Variants in ZNF229 observed in about 807,000 individuals in gnomAD.
ZNF229 encodes zinc finger protein 229.
In ZNF229, 10 loss-of-function variants were observed where a neutral mutation model predicts 11.8. The observed-to-expected ratio is 0.85, with a 90% confidence interval of 0.52 to 1.44. The LOEUF (loss-of-function observed/expected upper bound fraction) is 1.44. ZNF229 is among the 40% of genes most tolerant of loss of function. The pLI is 0.00. For synonymous variants in ZNF229, 368 were observed against 374.8 expected, an observed-to-expected ratio of 0.98 and a Z score of 0.21; for missense variants, 1,045 against 1,015.1, an observed-to-expected ratio of 1.03 and a Z score of -0.40.
intron 4 of ZNF229, 97 bp downstream of exon 4, chr19:44,442,466 T>C: frequency 6.5e-6 from 8 of 1,236,350 alleles, no homozygotes; most frequent in Non-Finnish European, 9.4e-6. Flanking sequence ...ATTCACCCAA[T>C]ACATTTTTCG....
intron 4 of ZNF229, among the ~76,000 whole-genome samples, chr19:44,441,743 C>T (rs1381553337): frequency 1.3e-5 from 2 of 152,012 alleles, no homozygotes; most frequent in African/African-American, 4.8e-5. Context: ...ATGAATGATG[C>T]TGCAATTATC....
chr19:44,432,146 T>TC, intron 5 of ZNF229, 76 bp downstream of exon 5: 1 of 1,531,950 alleles, frequency 6.5e-7, no homozygotes, highest in Non-Finnish European at 8.7e-7. Context: ...AAAAATAGGA[T>TC]TTAACCTGTG....
At chr19:44,432,001 G>T in intron 5 of ZNF229, 1 of 880,542 alleles carries the variant, frequency 1.1e-6, no homozygotes, top group Non-Finnish European at 1.5e-6. Context: ...TCTGCACCCT[G>T]ACAGAGGGTC....
At chr19:44,432,161 A>G (rs774598894) in intron 5 of ZNF229, 61 bp downstream of exon 5, 28 of 1,548,612 alleles carry the variant, frequency 1.8e-5, no homozygotes, top group Admixed American at 2.2e-5. Flanking sequence ...CCTGTGTAAA[A>G]AAGCCAAAAA....
chr19:44,442,781 C>T (rs758919185), intron 3 of ZNF229, 33 bp downstream of exon 3: 24 of 1,591,984 alleles, frequency 1.5e-5, no homozygotes, highest in Admixed American at 8.3e-5. Context: ...AGTTTGGATT[C>T]TCCCCCCACC....
chr19:44,448,410 T>C lies in ZNF229; in HGVS notation c.-367A>G, dbSNP rs1972040653. On this transcript the variant is annotated 5_prime_UTR_variant, in exon 1 of 6. Coordinates refer to ENST00000614049, the MANE Select transcript of ZNF229 (RefSeq NM_014518.4). ...GATCCTAATTCCCATGGCCTGACAG[T>C]ACAACCGCATGGAGATGCACGTCTC... 6.6e-6 allele frequency: 1 copy of C among 152,260 alleles called. No individual in the cohort carries two copies. Among genetic ancestry groups the C allele is most frequent in the Non-Finnish European group, 1.5e-5 (1 of 68,068 alleles). 9.4% of individuals were successfully genotyped at this position (152,260 alleles called of 1,614,324 possible). A position where few individuals can be genotyped will look rare whatever the true frequency, so the allele number is the denominator to read the frequency against.
chr19:44,428,952 A>C lies in ZNF229; in HGVS notation c.1829T>G (p.Ile610Ser), dbSNP rs1971643923. 2 of 1,599,784 alleles carry C rather than the reference A, an allele frequency of 1.3e-6. No homozygotes were observed. The highest frequency in any genetic ancestry group is 1.7e-6 in the Non-Finnish European group (2 of 1,174,876). The change falls in exon 6 of 6, where the codon ATC becomes AGC. Residue 610 changes from isoleucine to serine, a missense_variant. By Grantham distance (142) the Ile-to-Ser change is moderately radical. Coordinates refer to ENST00000614049, the MANE Select transcript of ZNF229 (RefSeq NM_014518.4). ...ATGGATAAGGAGGTCGGAGCTGTAG[A>C]TGAAACCCTTCCCACACACGTCACA... is the stretch of plus-strand genomic sequence containing the variant. ...YVCDVCGKGF[I>S]YSSDLLIHQR...
chr19:44,429,778 G>A lies in ZNF229; in HGVS notation c.1003C>T (p.His335Tyr), dbSNP rs1257905396. The change falls in exon 6 of 6, where the codon CAC (histidine) becomes TAC (tyrosine). Residue 335 changes from histidine to tyrosine, a missense_variant. Coordinates refer to ENST00000614049, the MANE Select transcript of ZNF229 (RefSeq NM_014518.4). Reference protein sequence around the residue: ...ERGRGVRQNTHIRNHPRAPVG... With the variant: ...ERGRGVRQNTYIRNHPRAPVG... Reference sequence around the variant, plus strand: ...GGGGCTCTGGGGTGGTTACGTATGTGCGTGTTCTGTCTGACGCCCCGACCA... The same window carrying A: ...GGGGCTCTGGGGTGGTTACGTATGTACGTGTTCTGTCTGACGCCCCGACCA... 2 of 1,613,906 alleles carry A rather than the reference G, an allele frequency of 1.2e-6. No homozygotes were observed. The highest frequency in any genetic ancestry group is 1.7e-5 in the Admixed American group (1 of 59,998).
intron 4 of ZNF229, among the ~76,000 whole-genome samples, chr19:44,441,388 A>C (rs12610672): frequency 0.29 from 44,205 of 152,110 alleles, 7,574 homozygotes; most frequent in South Asian, 0.48. Flanking sequence ...CTTCAAAATT[A>C]TTTCACAATC....
chr19:44,434,408 C>A (rs1034066429), intron 4 of ZNF229, among the ~76,000 whole-genome samples: 6 of 152,252 alleles, frequency 3.9e-5, no homozygotes, highest in African/African-American at 1.4e-4. Context: ...TGTCATGCAA[C>A]CATCTCCTCA....
chr19:44,428,560 T>G lies in ZNF229; in HGVS notation c.2221A>C (p.Arg741=). Residue 741 remains arginine, a synonymous_variant, in exon 6 of 6, where the codon AGA becomes CGA. Transcript: ENST00000614049. ...TAGCCCTTCCCACACACGTGGCATC[T>G]GTATGGCTTCTCGCCAGTGTGCACT... ...KRVHTGEKPY[R]CHVCGKGYSQ... is the part of the protein sequence containing the mutation. 2 of 1,612,094 alleles carry G rather than the reference T, an allele frequency of 1.2e-6. No homozygotes were observed. The highest frequency in any genetic ancestry group is 1.7e-6 in the Non-Finnish European group (2 of 1,179,622).
chr19:44,429,790 T>A lies in ZNF229; in HGVS notation c.991A>T (p.Arg331Ter). ...TGGTTACGTATGTGCGTGTTCTGTC[T>A]GACGCCCCGACCACGCTCAAGACTC... is the stretch of plus-strand genomic sequence containing the variant. ...VKSLERGRGV[R>*]QNTHIRNHPR... Residue 331 changes from arginine to a stop codon, truncating the protein, a stop_gained, in exon 6 of 6, where the codon AGA (arginine) becomes TGA (stop). Coordinates refer to ENST00000614049, the MANE Select transcript of ZNF229 (RefSeq NM_014518.4). LOFTEE classifies it low-confidence loss of function (END_TRUNC). The A allele has an allele frequency of 6.2e-7, 1 of 1,614,114 alleles. No individual in the cohort carries two copies. The highest frequency in any genetic ancestry group is 1.1e-5 in the South Asian group (1 of 91,084).
At chr19:44,447,065 T>C (rs1033751656) in intron 2 of ZNF229, among the ~76,000 whole-genome samples, 4 of 152,190 alleles carry the variant, frequency 2.6e-5, no homozygotes, top group African/African-American at 9.7e-5. Flanking sequence ...TTTAACTTTT[T>C]AAACCTTAGC....
In ZNF229 at chr19:44,430,359, T is replaced by G. The variant is rs769137371; in HGVS notation, c.422A>C (p.Gln141Pro). ...FQFSEDAAPH[Q>P]GWEGASTPCF... ...CGGCGTAGATGCTCCTTCCCACCCT[T>G]GATGGGGAGCAGCATCTTCTGAGAA... The change falls in exon 6 of 6, where the codon CAA (glutamine) becomes CCA (proline). Residue 141 changes from glutamine (Q) to proline (P), a missense_variant. Coordinates refer to ENST00000614049, the MANE Select transcript of ZNF229 (RefSeq NM_014518.4). The G allele has an allele frequency of 6.2e-7, 1 of 1,614,144 alleles. No individual in the cohort carries two copies. Among genetic ancestry groups the G allele is most frequent in the Non-Finnish European group, 8.5e-7 (1 of 1,180,034 alleles).
In ZNF229 at chr19:44,429,151, G is replaced by A. The variant is rs1322643368; in HGVS notation, c.1630C>T (p.Pro544Ser). The A allele has an allele frequency of 1.2e-6, 2 of 1,613,770 alleles. No homozygotes were observed. Among genetic ancestry groups the A allele is most frequent in the Non-Finnish European group, 1.7e-6 (2 of 1,179,976 alleles). Reference protein sequence around the residue: ...MHQRLHTGEKPYKCECGKSFG... With the variant: ...MHQRLHTGEKSYKCECGKSFG... ...CTCTTCCCGCACTCGCATTTGTAGG[G>A]TTTCTCTCCTGTGTGCAGTCTCTGA... Residue 544 changes from proline (P) to serine (S), a missense_variant, in exon 6 of 6, where the codon CCC becomes TCC. Physicochemically the swap from Pro to Ser is moderately conservative, Grantham distance 74 (BLOSUM62 -1). Coordinates refer to ENST00000614049, the MANE Select transcript of ZNF229 (RefSeq NM_014518.4).
In ZNF229 at chr19:44,429,782, G is replaced by A. The variant is rs754489162; in HGVS notation, c.999C>T (p.Asn333=). 1.6e-5 allele frequency: 26 copies of A among 1,614,076 alleles called. No individual in the cohort carries two copies. Among genetic ancestry groups the A allele is most frequent in the Middle Eastern group, 3.3e-4 (2 of 6,060 alleles). Residue 333 remains asparagine, a synonymous_variant, in exon 6 of 6, where the codon AAC becomes AAT. Coordinates refer to ENST00000614049, the MANE Select transcript of ZNF229 (RefSeq NM_014518.4). ...CTCTGGGGTGGTTACGTATGTGCGT[G>A]TTCTGTCTGACGCCCCGACCACGCT... ...SLERGRGVRQ[N]THIRNHPRAP... is the part of the protein sequence containing the mutation.
At chr19:44,430,610 A>G in intron 5 of ZNF229, 68 bp from the exon 6 acceptor site, 1 of 1,420,940 alleles carries the variant, frequency 7.0e-7, no homozygotes, top group East Asian at 2.3e-5. Context: ...TCAGACTTTC[A>G]GACTTGAACT....
chr19:44,440,062 T>G (rs1971881378), intron 4 of ZNF229, among the ~76,000 whole-genome samples: 1 of 152,092 alleles, frequency 6.6e-6, no homozygotes. Context: ...CAGACCATCT[T>G]AACACACAGG....
At chr19:44,436,865 T>C (rs993103381) in intron 4 of ZNF229, among the ~76,000 whole-genome samples, 1 of 152,164 alleles carries the variant, frequency 6.6e-6, no homozygotes, top group Non-Finnish European at 1.5e-5. Flanking sequence ...TATCAATCAA[T>C]TGCTGTATTT....
Sources: gnomAD v4.1 joint callset for allele counts (sites outside exome capture counted in the v4.1 genomes callset) on GRCh38, gnomAD v4.1.1 for gene constraint, MANE v1.5 for transcripts, NCBI Gene and HGNC (gene_info 2026-07-23, HGNC 2026-07-21) for gene names.